TMEM132B: variants seen among roughly 807,000 people sequenced by gnomAD.
TMEM132B encodes transmembrane protein 132B.
TMEM132B carries 18 observed loss-of-function variants against 90.8 expected under a neutral mutation model. The observed-to-expected ratio is 0.20, with a 90% CI of 0.14 to 0.29. TMEM132B has a LOEUF of 0.29. TMEM132B is among the 10% of genes least tolerant of loss of function. TMEM132B has a pLI of 1.00. For synonymous variants in TMEM132B, 504 were observed against 523.3 expected (o/e 0.96, Z 0.50); for missense variants, 1,096 against 1,326.8 (o/e 0.83, Z 2.70).
Position 125,349,994 on chromosome 12 carries a change from G to A in TMEM132B, c.610G>A (p.Asp204Asn), listed in dbSNP as rs761921709. The change falls in exon 2 of 9, where the codon GAC becomes AAC. Residue 204 changes from aspartate to asparagine, a missense_variant. Transcript: ENST00000682704. The surrounding 1 kb of genome is among the most constrained non-coding windows in gnomAD (Gnocchi z 4.1). ...GCCCGAGTGGTTCAGCTCAGGCCTGGACCTGGAACCAGAGGAGGAGATCCC... is the reference window on the plus strand; with the variant it reads ...GCCCGAGTGGTTCAGCTCAGGCCTGAACCTGGAACCAGAGGAGGAGATCCC... ...LLPEWFSSGL[D>N]LEPEEEIPAL... The A allele has an allele frequency of 6.2e-7, 1 of 1,614,190 alleles. No homozygotes were observed. The highest frequency in any genetic ancestry group is 1.1e-5 in the South Asian group (1 of 91,086).
At chr12:125,514,025 A>G (rs971940751) in intron 3 of TMEM132B, among the ~76,000 whole-genome samples, 3 of 152,174 alleles carry the variant, frequency 2.0e-5, no homozygotes, top group African/African-American at 4.8e-5. Flanking sequence ...AACTGCAGTG[A>G]CTATGGTGTT....
intron 1 of TMEM132B, among the ~76,000 whole-genome samples, chr12:125,247,086 A>G (rs541588652): frequency 1.3e-5 from 2 of 152,212 alleles, no homozygotes; most frequent in African/African-American, 4.8e-5. Context: ...GCTTCCAGTA[A>G]TGACGCACTC....
intron 4 of TMEM132B, among the ~76,000 whole-genome samples, chr12:125,550,642 A>G (rs931290423): frequency 1.3e-5 from 2 of 152,196 alleles, no homozygotes; most frequent in African/African-American, 4.8e-5. Flanking sequence ...GAATGAAAGA[A>G]TATTCTTTTT....
chr12:125,314,197 C>T (rs964539100), intron 1 of TMEM132B, among the ~76,000 whole-genome samples: 2 of 152,120 alleles, frequency 1.3e-5, no homozygotes, highest in Admixed American at 1.3e-4. Context: ...CAGGCTGCCA[C>T]GTCCCAGCCT....
intron 3 of TMEM132B, among the ~76,000 whole-genome samples, chr12:125,431,221 G>C (rs1880494413): frequency 6.6e-6 from 1 of 152,122 alleles, no homozygotes; most frequent in African/African-American, 2.4e-5. Context: ...GTGGAGCCTG[G>C]GAGCCCAGGT....
intron 1 of TMEM132B, among the ~76,000 whole-genome samples, chr12:125,194,264 C>T (rs962106490): frequency 8.4e-5 from 12 of 142,162 alleles, no homozygotes; most frequent in African/African-American, 2.9e-4. Context: ...CTGAATTAAC[C>T]CGTTGGTGGG....
chr12:125,243,032 TACAC>T (rs765539161), intron 1 of TMEM132B, among the ~76,000 whole-genome samples: 77 of 134,936 alleles, frequency 5.7e-4, no homozygotes, highest in East Asian at 1.0e-3. Context: ...TATATATATA[TACAC>T]ACACACACAC....
intron 1 of TMEM132B, among the ~76,000 whole-genome samples, chr12:125,244,710 G>A (rs758653682): frequency 1.3e-5 from 2 of 152,160 alleles, no homozygotes; most frequent in African/African-American, 2.4e-5. Flanking sequence ...ACATGACAGC[G>A]AGACCCCCTT....
chr12:125,336,787 C>T (rs12311309), intron 1 of TMEM132B, among the ~76,000 whole-genome samples: 1 of 152,228 alleles, frequency 6.6e-6, no homozygotes, highest in Non-Finnish European at 1.5e-5. Flanking sequence ...ATAAATCCAA[C>T]TGATGGCAGA....
At chr12:125,582,483 A>C (rs891266749) in intron 4 of TMEM132B, among the ~76,000 whole-genome samples, 1 of 152,098 alleles carries the variant, frequency 6.6e-6, no homozygotes. Context: ...ACACTGAAAT[A>C]ATTATCTAGT....
intron 1 of TMEM132B, among the ~76,000 whole-genome samples, chr12:125,216,512 C>T (rs1176402723): frequency 6.6e-6 from 1 of 152,168 alleles, no homozygotes; most frequent in African/African-American, 2.4e-5. Context: ...CTTTATTCTC[C>T]AGCCCTCAGC....
At position 125,188,862 on chromosome 12, in the gene TMEM132B, A is replaced by AAG. The variant is rs1555230826; in HGVS notation, c.67+1997_67+1998insGA. Among the ~76,000 whole-genome samples the AAG allele has an allele frequency of 2.2e-4, 31 of 138,390 alleles. 1 individual carries two copies. Among genetic ancestry groups the AAG allele is most frequent in the East Asian group, 4.0e-4 (2 of 4,954 alleles). The allele number at this position is 138,390 out of a possible 152,430, so 90.8% of individuals were successfully genotyped here. A position where few individuals can be genotyped will look rare whatever the true frequency, so the allele number is the denominator to read the frequency against. On this transcript the variant is annotated intron_variant, in intron 1 of 8. Transcript: ENST00000682704. ...AGTTAGGAGGGATGGCAAAAAAAAAAAAAAAAAAAAAGAAAAAAAGAAATT... is the reference window on the plus strand; with the variant it reads ...AGTTAGGAGGGATGGCAAAAAAAAAAAGAAAAAAAAAAAGAAAAAAAGAAATT...
chr12:125,543,132 A>G (rs1042982348), intron 4 of TMEM132B, among the ~76,000 whole-genome samples: 1 of 152,162 alleles, frequency 6.6e-6, no homozygotes, highest in South Asian at 2.1e-4. Context: ...GTCTTTATTC[A>G]TTTCTAGGCT....
At chr12:125,356,827 CACCGGCTTCAATA>C (rs1877789124) in intron 2 of TMEM132B, among the ~76,000 whole-genome samples, 1 of 152,234 alleles carries the variant, frequency 6.6e-6, no homozygotes, top group Non-Finnish European at 1.5e-5. Context: ...AGGGCCTCTG[CACCGGCTTCAATA>C]ACTCACCCTT....
intron 3 of TMEM132B, among the ~76,000 whole-genome samples, chr12:125,518,921 T>C (rs1883234260): frequency 6.6e-6 from 1 of 152,240 alleles, no homozygotes; most frequent in Non-Finnish European, 1.5e-5. Context: ...AGTCTCCTGA[T>C]GCTTCCACAC....
At chr12:125,338,393 C>T (rs1324619743) in intron 1 of TMEM132B, among the ~76,000 whole-genome samples, 2 of 152,206 alleles carry the variant, frequency 1.3e-5, no homozygotes, top group Non-Finnish European at 2.9e-5. Flanking sequence ...GCACCAACAC[C>T]CACACTTGGA....
chr12:125,257,093 A>T (rs1874454033), intron 1 of TMEM132B, among the ~76,000 whole-genome samples: 1 of 152,144 alleles, frequency 6.6e-6, no homozygotes, highest in Non-Finnish European at 1.5e-5. Flanking sequence ...CAGGAGGATT[A>T]CTTGAGGCTA....
At chr12:125,637,314 C>T (rs781273461) in intron 5 of TMEM132B, among the ~76,000 whole-genome samples, 5 of 152,128 alleles carry the variant, frequency 3.3e-5, no homozygotes, top group Non-Finnish European at 7.3e-5. Flanking sequence ...ACATAGAGAG[C>T]GGATCGGAGA....
At position 125,206,785 on chromosome 12, in the gene TMEM132B, G is replaced by A. The variant is rs563729496; in HGVS notation, c.67+19919G>A. On this transcript the variant is annotated intron_variant, in intron 1 of 8. Transcript: ENST00000682704. Reference sequence around the variant, plus strand: ...ACAGGGGATTCATTTCGAGTTGTTAGCATTCTGAGCTGGTGGCAGCCAGCT... The same window carrying A: ...ACAGGGGATTCATTTCGAGTTGTTAACATTCTGAGCTGGTGGCAGCCAGCT... Among the ~76,000 whole-genome samples the A allele has an allele frequency of 2.0e-5, 3 of 152,318 alleles. No individual in the cohort carries two copies. The East Asian group carries it at 5.8e-4, about 29-fold the overall frequency.
Sources: allele counts gnomAD v4.1 joint callset (sites outside exome capture counted in the v4.1 genomes callset), GRCh38; gene constraint gnomAD v4.1.1; non-coding constraint Gnocchi (gnomAD v3.1); transcripts MANE v1.5; gene names NCBI Gene and HGNC (gene_info 2026-07-23, HGNC 2026-07-21).